ENOX2: variants seen among roughly 807,000 people sequenced by gnomAD.
ENOX2 encodes APK1 antigen.
Under a neutral mutation model 45.0 loss-of-function variants are expected in ENOX2, and 36 were observed. The observed-to-expected ratio is 0.80, with a 90% CI of 0.61 to 1.06. The LOEUF (loss-of-function observed/expected upper bound fraction) is 1.06, where lower values mean the gene tolerates loss of function less well. Ranked by LOEUF, ENOX2 falls within the 50% of genes least tolerant of loss-of-function variation. The pLI is 0.00. For synonymous variants in ENOX2, 174 were observed against 152.3 expected (o/e 1.14, Z -1.05); for missense variants, 423 against 462.5 (o/e 0.91, Z 0.78).
Position 130,623,897 on chromosome X carries a change from A to C in ENOX2, c.*1417T>G, listed in dbSNP as rs1365547691. 8.9e-6 allele frequency: 1 copy of C among 112,229 alleles called. No individual in the cohort carries two copies. The highest frequency in any genetic ancestry group is 1.9e-5 in the Non-Finnish European group (1 of 53,303). The allele number at this position is 112,229 out of a possible 1,213,427, so 9.2% of individuals were successfully genotyped here. A position where few individuals can be genotyped will look rare whatever the true frequency, so the allele number is the denominator to read the frequency against. On this transcript the variant is annotated 3_prime_UTR_variant, in exon 15 of 15. Coordinates refer to ENST00000394363, the MANE Select transcript of ENOX2 (RefSeq NM_006375.4). The stretch of plus-strand genomic sequence containing the variant: ...CGTAAGTCATTAAAAACAGGACACA[A>C]AACTGAGGTATAAAAAGGAATATTT...
chrX:130,830,639 T>A (rs542896910), intron 2 of ENOX2, among the ~76,000 whole-genome samples: 1 of 112,295 alleles, frequency 8.9e-6, no homozygotes, highest in Non-Finnish European at 1.9e-5. Flanking sequence ...CTACTGGAAG[T>A]TGGCCTTGGC....
chrX:130,648,116 A>G (rs1158926141), intron 10 of ENOX2, among the ~76,000 whole-genome samples: 1 of 112,104 alleles, frequency 8.9e-6, no homozygotes, highest in African/African-American at 3.2e-5. Flanking sequence ...TTTCTTGATT[A>G]CCTATAGGGA....
chrX:130,699,073 A>G (rs1048951717), intron 4 of ENOX2, among the ~76,000 whole-genome samples: 14 of 112,300 alleles, frequency 1.2e-4, no homozygotes, highest in Non-Finnish European at 2.6e-4. Context: ...GCCTGACTCT[A>G]TTGGGTTCCA....
intron 2 of ENOX2, among the ~76,000 whole-genome samples, chrX:130,822,928 G>T (rs913710584): frequency 3.6e-5 from 4 of 112,015 alleles, no homozygotes; most frequent in Non-Finnish European, 7.5e-5. Flanking sequence ...TGCTAGATTA[G>T]GTATATTAAA....
chrX:130,877,208 C>T (rs1185695691), intron 2 of ENOX2, among the ~76,000 whole-genome samples: 2 of 111,639 alleles, frequency 1.8e-5, no homozygotes, highest in Non-Finnish European at 1.9e-5. Flanking sequence ...AATAATAAAA[C>T]TTGATGCTGT....
chrX:130,715,807 C>T (rs781456456), intron 3 of ENOX2, among the ~76,000 whole-genome samples: 15 of 112,084 alleles, frequency 1.3e-4, no homozygotes, highest in African/African-American at 4.5e-4. Context: ...CTCTGTGCTT[C>T]ATTTTCTACA....
At chrX:130,851,152 C>T (rs1012954144) in intron 2 of ENOX2, among the ~76,000 whole-genome samples, 3 of 112,552 alleles carry the variant, frequency 2.7e-5, no homozygotes, top group Admixed American at 9.4e-5. Flanking sequence ...GACTAATATT[C>T]TCAAACCAGA....
chrX:130,862,480 T>G (rs1338324535), intron 2 of ENOX2, among the ~76,000 whole-genome samples: 3 of 110,870 alleles, frequency 2.7e-5, no homozygotes, highest in African/African-American at 9.8e-5. Flanking sequence ...ATTTCTTCCA[T>G]ATCACTAATT....
chrX:130,838,733 AT>A (rs201046641), intron 2 of ENOX2, among the ~76,000 whole-genome samples: 1,423 of 111,905 alleles, frequency 0.013, 5 homozygotes, highest in Non-Finnish European at 0.022. Flanking sequence ...CTGTTCCTTA[AT>A]CTCGAGAAGA....
intron 9 of ENOX2, among the ~76,000 whole-genome samples, chrX:130,657,097 G>A (rs1240173451): frequency 1.8e-5 from 2 of 111,628 alleles, no homozygotes; most frequent in Non-Finnish European, 3.8e-5. Context: ...TCTTTTTATA[G>A]TTTTACTCAA....
chrX:130,847,084 G>A lies in ENOX2; in HGVS notation c.-183+54600C>T, dbSNP rs997486953. On this transcript the variant is annotated intron_variant, in intron 2 of 14. Transcript: ENST00000394363. ...GAATTGTATTATTTATATTTGTAACGAAATGTGTTTTCACGTTTGTGTTAA... is the reference window on the plus strand; with the variant it reads ...GAATTGTATTATTTATATTTGTAACAAAATGTGTTTTCACGTTTGTGTTAA... Among the ~76,000 whole-genome samples the A allele has an allele frequency of 5.4e-5, 6 of 112,029 alleles. No individual in the cohort carries two copies. The East Asian group carries it at 8.4e-4, about 16-fold the overall frequency.
Position 130,622,379 on chromosome X carries a change from G to T in ENOX2, c.*2935C>A, listed in dbSNP as rs759371146. On this transcript the variant is annotated 3_prime_UTR_variant, in exon 15 of 15. Transcript: ENST00000394363. The stretch of plus-strand genomic sequence containing the variant: ...CCTTATATGAAAAGCATACATTTTG[G>T]GGCCAAAATTAAAAAAAAACTCTAT... 1.0e-3 allele frequency among the ~76,000 whole-genome samples: 114 copies of T among 110,716 alleles called. No individual in the cohort carries two copies. Among genetic ancestry groups the T allele is most frequent in the Non-Finnish European group, 1.9e-3 (98 of 52,900 alleles).
intron 10 of ENOX2, among the ~76,000 whole-genome samples, chrX:130,643,188 T>C (rs2036136237): frequency 9.0e-6 from 1 of 111,143 alleles, no homozygotes; most frequent in Non-Finnish European, 1.9e-5. Flanking sequence ...TGAAAAAAAG[T>C]ATAAATGATA....
chrX:130,636,000 T>A (rs1240120772), intron 11 of ENOX2, among the ~76,000 whole-genome samples: 5 of 112,131 alleles, frequency 4.5e-5, no homozygotes, highest in African/African-American at 1.3e-4. Flanking sequence ...TATCCTTATG[T>A]GAAATGGTTT....
At chrX:130,812,365 A>G (rs1348940155) in intron 2 of ENOX2, among the ~76,000 whole-genome samples, 1 of 112,017 alleles carries the variant, frequency 8.9e-6, no homozygotes, top group East Asian at 2.8e-4. Context: ...CTAGCAGTGG[A>G]TTTCTCAGCA....
chrX:130,631,663 C>T lies in ENOX2; in HGVS notation c.1420-87G>A, dbSNP rs996909936. On this transcript the variant is annotated intron_variant, in intron 12 of 14. Coordinates refer to ENST00000394363, the MANE Select transcript of ENOX2 (RefSeq NM_006375.4). ...TAACTACACAACAGGTAACTTAACA[C>T]AGGACCATAAAAACAATACCATTCA... The T allele has an allele frequency of 1.7e-4, 83 of 500,916 alleles. No individual in the cohort carries two copies. The East Asian group carries it at 2.8e-3, about 17-fold the overall frequency. 41.3% of individuals were successfully genotyped at this position (500,916 alleles called of 1,213,427 possible). A position where few individuals can be genotyped will look rare whatever the true frequency, so the allele number is the denominator to read the frequency against.
intron 2 of ENOX2, among the ~76,000 whole-genome samples, chrX:130,896,618 C>T (rs1019255541): frequency 1.8e-5 from 2 of 111,654 alleles, no homozygotes; most frequent in African/African-American, 6.5e-5. Context: ...AATAATTCAT[C>T]GAATGAAGTG....
chrX:130,812,381 G>A (rs777437094), intron 2 of ENOX2, among the ~76,000 whole-genome samples: 3 of 111,753 alleles, frequency 2.7e-5, no homozygotes, highest in East Asian at 5.6e-4. Context: ...CAGCAGAAAC[G>A]TTACAGGCCA....
intron 2 of ENOX2, among the ~76,000 whole-genome samples, chrX:130,857,549 T>C (rs2078331899): frequency 8.9e-6 from 1 of 112,081 alleles, no homozygotes; most frequent in African/African-American, 3.2e-5. Context: ...AGAGATCTAC[T>C]GTACAACATA....
Sources: allele counts gnomAD v4.1 joint callset (sites outside exome capture counted in the v4.1 genomes callset), GRCh38; gene constraint gnomAD v4.1.1; transcripts MANE v1.5; gene names NCBI Gene and HGNC (gene_info 2026-07-23, HGNC 2026-07-21).